Variants in DYM observed in about 807,000 individuals in gnomAD.
DYM encodes the protein dyggve-Melchior-Clausen syndrome protein.
In DYM, 78 loss-of-function variants were observed where a neutral mutation model predicts 93.1. The observed-to-expected ratio is 0.84, with a 90% CI of 0.70 to 1.01. The LOEUF (loss-of-function observed/expected upper bound fraction) is 1.01. DYM is among the 50% of genes least tolerant of loss of function. The pLI is 0.00. For synonymous variants in DYM, 321 were observed against 319.7 expected, an observed-to-expected ratio of 1.00 and a Z score of -0.04; for missense variants, 789 against 845.0, an observed-to-expected ratio of 0.93 and a Z score of 0.82.
At chr18:49,279,601 T>G (rs2094922070) in intron 10 of DYM, among the ~76,000 whole-genome samples, 1 of 152,236 alleles carries the variant, frequency 6.6e-6, no homozygotes, top group Non-Finnish European at 1.5e-5. Context: ...CGCAGACAGC[T>G]GCTCTCTGCA....
intron 15 of DYM, among the ~76,000 whole-genome samples, chr18:49,131,125 C>A (rs2083345076): frequency 6.6e-6 from 1 of 152,094 alleles, no homozygotes; most frequent in South Asian, 2.1e-4. Flanking sequence ...CCACAAACAA[C>A]AGACAAAATG....
At chr18:49,265,575 T>G (rs890381548) in intron 11 of DYM, among the ~76,000 whole-genome samples, 1 of 151,794 alleles carries the variant, frequency 6.6e-6, no homozygotes, top group Non-Finnish European at 1.5e-5. Context: ...GGTCGCGAGT[T>G]CGAGACTAGC....
At chr18:49,346,744 G>C (rs72912520) in intron 6 of DYM, among the ~76,000 whole-genome samples, 2 of 152,200 alleles carry the variant, frequency 1.3e-5, no homozygotes, top group Non-Finnish European at 2.9e-5. Flanking sequence ...AAAGAATAAA[G>C]TTCAAAACAA....
intron 8 of DYM, among the ~76,000 whole-genome samples, chr18:49,331,019 C>T (rs145686451): frequency 3.2e-4 from 48 of 152,306 alleles, no homozygotes; most frequent in African/African-American, 1.1e-3. Context: ...AGTAAGTTAT[C>T]ACAGTGCTAC....
chr18:49,363,883 T>C (rs1273112969), intron 5 of DYM, among the ~76,000 whole-genome samples: 2 of 152,232 alleles, frequency 1.3e-5, no homozygotes, highest in African/African-American at 4.8e-5. Flanking sequence ...TACAGGTAAG[T>C]GACCTCCAAA....
At chr18:49,310,185 T>C (rs902584488) in intron 8 of DYM, among the ~76,000 whole-genome samples, 18 of 152,208 alleles carry the variant, frequency 1.2e-4, no homozygotes. Flanking sequence ...GTAATGGCAG[T>C]TTTATTATTT....
chr18:49,174,754 C>A (rs560244990), intron 14 of DYM, among the ~76,000 whole-genome samples: 2 of 152,130 alleles, frequency 1.3e-5, no homozygotes, highest in African/African-American at 2.4e-5. Flanking sequence ...GACGTAATCC[C>A]GGAGTTGGCT....
At chr18:49,268,499 G>A (rs2094609910) in intron 11 of DYM, among the ~76,000 whole-genome samples, 1 of 152,194 alleles carries the variant, frequency 6.6e-6, no homozygotes, top group South Asian at 2.1e-4. Flanking sequence ...ACTTGAAAGT[G>A]TTTTAATTAT....
chr18:49,420,014 T>C (rs957756733), intron 2 of DYM, among the ~76,000 whole-genome samples: 4 of 152,210 alleles, frequency 2.6e-5, no homozygotes, highest in Non-Finnish European at 5.9e-5. Flanking sequence ...AAGTTGTTGA[T>C]GCTATAGCTC....
At chr18:49,130,930 CAT>C (rs2083325535) in intron 15 of DYM, among the ~76,000 whole-genome samples, 1 of 152,196 alleles carries the variant, frequency 6.6e-6, no homozygotes, top group African/African-American at 2.4e-5. Context: ...CCAGCTTTAC[CAT>C]ATGTTAGCTG....
At chr18:49,398,635 G>A (rs762001926) in intron 2 of DYM, among the ~76,000 whole-genome samples, 1 of 152,168 alleles carries the variant, frequency 6.6e-6, no homozygotes, top group Non-Finnish European at 1.5e-5. Flanking sequence ...TCCAATTCCT[G>A]GGACCAGTTC....
intron 13 of DYM, among the ~76,000 whole-genome samples, chr18:49,239,742 C>T (rs1162540383): frequency 1.3e-5 from 2 of 152,310 alleles, no homozygotes; most frequent in Non-Finnish European, 2.9e-5. Context: ...GACACCCAGC[C>T]CAGCTGCTCT....
intron 2 of DYM, among the ~76,000 whole-genome samples, chr18:49,393,194 G>T (rs1568369145): frequency 6.6e-6 from 1 of 151,924 alleles, no homozygotes; most frequent in Non-Finnish European, 1.5e-5. Flanking sequence ...TGTTAGCAAG[G>T]ATGCAGAGAA....
chr18:49,383,099 T>G (rs1389741941), intron 3 of DYM, among the ~76,000 whole-genome samples: 1 of 151,924 alleles, frequency 6.6e-6, no homozygotes, highest in South Asian at 2.1e-4. Flanking sequence ...ATAAATACAC[T>G]GAGAGAGGGA....
intron 3 of DYM, among the ~76,000 whole-genome samples, chr18:49,383,218 G>A (rs943423758): frequency 5.3e-5 from 8 of 152,126 alleles, no homozygotes; most frequent in African/African-American, 1.9e-4. Context: ...AACAAAATGA[G>A]ACAATTACAA....
intron 5 of DYM, among the ~76,000 whole-genome samples, chr18:49,374,659 A>G (rs1406138212): frequency 2.0e-5 from 3 of 152,172 alleles, no homozygotes; most frequent in Non-Finnish European, 2.9e-5. Context: ...GGTAGCTTCA[A>G]TAAAATTTGG....
At chr18:49,359,014 TC>T (rs2065801680) in intron 6 of DYM, among the ~76,000 whole-genome samples, 1 of 152,188 alleles carries the variant, frequency 6.6e-6, no homozygotes, top group South Asian at 2.1e-4. Context: ...CTCGGTTGGT[TC>T]CCACAAGTCT....
At chr18:49,292,592 GAAA>G (rs72415237) in intron 8 of DYM, among the ~76,000 whole-genome samples, 1,868 of 78,408 alleles carry the variant, frequency 0.024, 47 homozygotes, top group African/African-American at 0.034. Context: ...TTTCCTGTTG[GAAA>G]AAAAAAAAAA....
At chr18:49,378,498 T>C in intron 5 of DYM, 69 bp downstream of exon 5, 1 of 1,438,226 alleles carries the variant, frequency 7.0e-7, no homozygotes, top group Non-Finnish European at 9.7e-7. Context: ...ATCATACTTT[T>C]ATTCCTGAAA....
Sources: gnomAD v4.1 joint callset for allele counts (sites outside exome capture counted in the v4.1 genomes callset) on GRCh38, gnomAD v4.1.1 for gene constraint, MANE v1.5 for transcripts, NCBI Gene and HGNC (gene_info 2026-07-23, HGNC 2026-07-21) for gene names.